CACNA2D3: variants seen among roughly 807,000 people sequenced by gnomAD.
CACNA2D3 encodes the protein calcium voltage-gated channel auxiliary subunit alpha2delta 3.
A neutral mutation model predicts 160.6 loss-of-function variants in CACNA2D3; 60 were observed. The ratio of observed to expected loss-of-function variants is 0.37; its 90% CI spans 0.30 to 0.46. The LOEUF is 0.46. Ranked by LOEUF, CACNA2D3 falls within the 20% of genes least tolerant of loss-of-function variation. The pLI is 1.00. For synonymous variants in CACNA2D3, 558 were observed against 492.9 expected (o/e 1.13, Z -1.75); for missense variants, 1,205 against 1,365.0 (o/e 0.88, Z 1.85).
At chr3:54,764,645 C>T (rs1322334274) in intron 13 of CACNA2D3, among the ~76,000 whole-genome samples, 1 of 152,174 alleles carries the variant, frequency 6.6e-6, no homozygotes, top group East Asian at 1.9e-4. Context: ...CAAATTCTGT[C>T]AGTGTAGCAA....
At chr3:54,923,362 G>A (rs1001359832) in intron 27 of CACNA2D3, among the ~76,000 whole-genome samples, 12 of 151,820 alleles carry the variant, frequency 7.9e-5, no homozygotes, top group Admixed American at 6.6e-4. Flanking sequence ...AGCCCTTTGC[G>A]TTCACTATTC....
At chr3:54,127,700 G>A (rs1021616722) in intron 2 of CACNA2D3, among the ~76,000 whole-genome samples, 3 of 152,148 alleles carry the variant, frequency 2.0e-5, no homozygotes, top group Admixed American at 6.5e-5. Context: ...TCCTTAGCAG[G>A]TTATTTTTAA....
chr3:54,794,860 A>C (rs917137188), intron 13 of CACNA2D3, among the ~76,000 whole-genome samples: 2 of 151,956 alleles, frequency 1.3e-5, no homozygotes, highest in East Asian at 3.8e-4. Flanking sequence ...GCAGTATTAC[A>C]CAGTGCCTTG....
intron 29 of CACNA2D3, among the ~76,000 whole-genome samples, chr3:54,978,396 C>T (rs957263969): frequency 2.6e-5 from 4 of 152,142 alleles, no homozygotes; most frequent in Admixed American, 2.6e-4. Flanking sequence ...GCCATTCCTG[C>T]CTAACTATTG....
intron 11 of CACNA2D3, among the ~76,000 whole-genome samples, chr3:54,728,730 G>A (rs910045878): frequency 6.6e-6 from 1 of 152,140 alleles, no homozygotes; most frequent in African/African-American, 2.4e-5. Flanking sequence ...ATTACAACTT[G>A]TTTATTTATA....
Position 55,065,249 on chromosome 3 carries a change from T to C in CACNA2D3, c.2988-8196T>C, listed in dbSNP as rs1210274129. Among the ~76,000 whole-genome samples the C allele has an allele frequency of 4.6e-5, 7 of 152,198 alleles. No individual in the cohort carries two copies. In the East Asian group the frequency reaches 1.4e-3, roughly 29 times the overall value. On this transcript the variant is annotated intron_variant, in intron 35 of 37. Transcript: ENST00000474759. ...TAGGGTGTCTTACATGAACAGATTT[T>C]CTGGGATGTGAACTGGATGTCAAGT...
chr3:54,582,383 G>A (rs924839858), intron 9 of CACNA2D3, among the ~76,000 whole-genome samples: 2 of 152,220 alleles, frequency 1.3e-5, no homozygotes, highest in Non-Finnish European at 2.9e-5. Context: ...GGAACAAAAG[G>A]ACGATACGTT....
intron 4 of CACNA2D3, among the ~76,000 whole-genome samples, chr3:54,437,117 A>G (rs1415107923): frequency 6.6e-6 from 1 of 152,164 alleles, no homozygotes; most frequent in Non-Finnish European, 1.5e-5. Flanking sequence ...ATGGTAATAC[A>G]CTTGTATTCC....
intron 35 of CACNA2D3, among the ~76,000 whole-genome samples, chr3:55,070,606 G>T (rs2107233019): frequency 6.6e-6 from 1 of 152,266 alleles, no homozygotes; most frequent in South Asian, 2.1e-4. Flanking sequence ...TCAATCCAGT[G>T]GACAAGGGGG....
chr3:54,144,968 G>A (rs530732242), intron 2 of CACNA2D3, among the ~76,000 whole-genome samples: 2 of 152,282 alleles, frequency 1.3e-5, no homozygotes, highest in African/African-American at 4.8e-5. Context: ...TTGTGTGTTT[G>A]TTTTAACTAC....
intron 9 of CACNA2D3, among the ~76,000 whole-genome samples, chr3:54,598,671 C>T (rs1459112633): frequency 2.6e-5 from 4 of 152,104 alleles, no homozygotes; most frequent in Admixed American, 2.0e-4. Flanking sequence ...CTCTACCTTT[C>T]GACATTTTTA....
At chr3:54,833,246 G>T (rs1158982933) in intron 14 of CACNA2D3, among the ~76,000 whole-genome samples, 1 of 152,194 alleles carries the variant, frequency 6.6e-6, no homozygotes, top group Non-Finnish European at 1.5e-5. Flanking sequence ...GTATACAACA[G>T]AGCACCACAA....
At chr3:54,678,059 T>C (rs1700275972) in intron 11 of CACNA2D3, among the ~76,000 whole-genome samples, 1 of 152,240 alleles carries the variant, frequency 6.6e-6, no homozygotes, top group Non-Finnish European at 1.5e-5. Flanking sequence ...TGGGTCTTGT[T>C]TTTGGAGACT....
chr3:54,875,173 C>A (rs1254656940), intron 18 of CACNA2D3: 2 of 152,020 alleles, frequency 1.3e-5, no homozygotes, highest in Non-Finnish European at 2.9e-5. Flanking sequence ...CTTTTTTATA[C>A]CCTTCCCAGA....
chr3:54,687,291 C>T (rs543129597), intron 11 of CACNA2D3, among the ~76,000 whole-genome samples: 49 of 149,880 alleles, frequency 3.3e-4, no homozygotes, highest in African/African-American at 1.2e-3. Flanking sequence ...CAGGCACTCA[C>T]CACCAAGCCT....
At chr3:54,803,150 C>G (rs866162764) in intron 13 of CACNA2D3, among the ~76,000 whole-genome samples, 1 of 152,174 alleles carries the variant, frequency 6.6e-6, no homozygotes, top group Non-Finnish European at 1.5e-5. Context: ...AAAAGCAGAG[C>G]GCCTCTCCTC....
At chr3:54,968,896 A>G (rs562561053) in intron 28 of CACNA2D3, among the ~76,000 whole-genome samples, 4 of 152,284 alleles carry the variant, frequency 2.6e-5, no homozygotes, top group African/African-American at 9.6e-5. Flanking sequence ...TTACGTAACT[A>G]GTTTCTCCAA....
intron 11 of CACNA2D3, among the ~76,000 whole-genome samples, chr3:54,677,620 T>TTG (rs1491452186): frequency 2.1e-4 from 30 of 143,472 alleles, no homozygotes; most frequent in South Asian, 1.1e-3. Context: ...GTTTTTTTTT[T>TTG]GGGGGGGGGG....
chr3:54,472,999 C>T lies in CACNA2D3; in HGVS notation c.382-30493C>T, dbSNP rs73089483. On this transcript the variant is annotated intron_variant, in intron 4 of 37. Coordinates refer to ENST00000474759, the MANE Select transcript of CACNA2D3 (RefSeq NM_018398.3). ...TTCAGCGCTGTCCCCATCAAGCTAC[C>T]GTTGACTTTTTTCCTAGAATTAGAA... Among the ~76,000 whole-genome samples, 1,046 of 152,244 alleles carry T rather than the reference C, an allele frequency of 6.9e-3. 13 individuals are homozygous for T. Among genetic ancestry groups the T allele is most frequent in the East Asian group, 0.014 (75 of 5,190 alleles).
Sources: allele counts gnomAD v4.1 joint callset (sites outside exome capture counted in the v4.1 genomes callset), GRCh38; gene constraint gnomAD v4.1.1; transcripts MANE v1.5; gene names NCBI Gene and HGNC (gene_info 2026-07-23, HGNC 2026-07-21).